AGBL4: variants seen among roughly 807,000 people sequenced by gnomAD.
The protein encoded by AGBL4 is cytosolic carboxypeptidase 6.
AGBL4 carries 58 observed loss-of-function variants against 66.4 expected under a neutral mutation model. The observed-to-expected ratio is 0.87, with a 90% CI of 0.71 to 1.09. The LOEUF (loss-of-function observed/expected upper bound fraction) is 1.09, where lower values mean the gene tolerates loss of function less well. Ranked by LOEUF, AGBL4 falls within the 50% of genes least tolerant of loss-of-function variation. The pLI, the probability that AGBL4 is intolerant of heterozygous loss-of-function variation, is 0.00. For missense variants in AGBL4, 579 were observed against 631.0 expected (o/e 0.92, Z 0.88); for synonymous variants, 234 against 222.9 (o/e 1.05, Z -0.44).
intron 2 of AGBL4, among the ~76,000 whole-genome samples, chr1:49,707,060 C>A (rs1347812296): frequency 6.6e-6 from 1 of 152,064 alleles, no homozygotes; most frequent in Non-Finnish European, 1.5e-5. Flanking sequence ...TCTATTAGGT[C>A]TGCTTGGTCC....
chr1:49,462,696 C>T (rs777635896), intron 3 of AGBL4, among the ~76,000 whole-genome samples: 1 of 151,596 alleles, frequency 6.6e-6, no homozygotes, highest in Non-Finnish European at 1.5e-5. Flanking sequence ...TGGGCTTTGG[C>T]TATATTGTTT....
intron 5 of AGBL4, among the ~76,000 whole-genome samples, chr1:49,038,857 C>T (rs139681618): frequency 1.3e-5 from 2 of 152,048 alleles, no homozygotes; most frequent in African/African-American, 4.8e-5. Context: ...TGGAATTTAC[C>T]CAAAGGAGCT....
chr1:49,167,606 AGAAAGAGCATAGCAGG>A (rs1646658017), intron 4 of AGBL4, among the ~76,000 whole-genome samples: 1 of 152,244 alleles, frequency 6.6e-6, no homozygotes, highest in Non-Finnish European at 1.5e-5. Context: ...GAGTGGCTAT[AGAAAGAGCATAGCAGG>A]CCAAAGGACC....
At chr1:49,335,513 CT>C (rs940464721) in intron 3 of AGBL4, among the ~76,000 whole-genome samples, 60 of 148,746 alleles carry the variant, frequency 4.0e-4, no homozygotes, top group African/African-American at 9.0e-4. Context: ...AAAATCTGAA[CT>C]TTTTTTTTTC....
chr1:49,246,128 T>G (rs1386449225), intron 3 of AGBL4, among the ~76,000 whole-genome samples: 1 of 151,948 alleles, frequency 6.6e-6, no homozygotes, highest in East Asian at 1.9e-4. Context: ...GCCAAGCTAC[T>G]AAAGATCTGT....
chr1:48,770,122 G>C (rs997178863), intron 6 of AGBL4, among the ~76,000 whole-genome samples: 3 of 152,154 alleles, frequency 2.0e-5, no homozygotes, highest in Admixed American at 6.5e-5. Flanking sequence ...ACCAATGCCT[G>C]TGAATTCCAT....
intron 3 of AGBL4, among the ~76,000 whole-genome samples, chr1:49,331,858 C>G (rs759235189): frequency 1.3e-5 from 2 of 151,790 alleles, no homozygotes; most frequent in Non-Finnish European, 2.9e-5. Flanking sequence ...CTCAGGACCT[C>G]CCAGCCAAGG....
chr1:48,907,667 G>T lies in AGBL4; in HGVS notation c.595-40437C>A, dbSNP rs576252182. On this transcript the variant is annotated intron_variant, in intron 5 of 13. Coordinates refer to ENST00000371839, the MANE Select transcript of AGBL4 (RefSeq NM_032785.4). ...TTTGGGGTCCCTGACCCTTATTCAG[G>T]TCAGCTCAAATAACTTTTGCTGGGT... 2.0e-5 allele frequency among the ~76,000 whole-genome samples: 3 copies of T among 152,256 alleles called. No homozygotes were observed. The South Asian group carries it at 6.2e-4, about 32-fold the overall frequency.
At chr1:49,529,602 C>T (rs756709208) in intron 3 of AGBL4, among the ~76,000 whole-genome samples, 6 of 152,046 alleles carry the variant, frequency 3.9e-5, no homozygotes, top group Non-Finnish European at 8.8e-5. Flanking sequence ...TCACTTGAAC[C>T]CAGGAGGCAG....
chr1:48,948,869 T>TAA (rs77534382), intron 5 of AGBL4, among the ~76,000 whole-genome samples: 6 of 141,778 alleles, frequency 4.2e-5, no homozygotes, highest in Admixed American at 1.4e-4. Context: ...CATAAAAGAC[T>TAA]AAAAAAAAAA....
At chr1:49,865,984 C>A in intron 1 of AGBL4, 2 of 354,832 alleles carry the variant, frequency 5.6e-6, no homozygotes, top group South Asian at 2.3e-5. Flanking sequence ...AACAACCTAA[C>A]AGACCAAGCT....
intron 4 of AGBL4, among the ~76,000 whole-genome samples, chr1:49,238,346 A>C (rs1650950365): frequency 6.6e-6 from 1 of 152,134 alleles, no homozygotes; most frequent in Non-Finnish European, 1.5e-5. Context: ...TAGGTCCCTG[A>C]GGCTCTGTTC....
chr1:50,023,788 C>T lies in AGBL4; in HGVS notation c.9G>A (p.Glu3=), dbSNP rs1324946499. ...CTGCCTCAGGCGCCGACTGGCTCCC[C>T]TCCGCCATTTTTGTTGTCCCTCAGT... MA[E]GSQSAPEAGN... The change falls in exon 1 of 14, where the codon GAG becomes GAA. Residue 3 remains glutamate, a synonymous_variant. Coordinates refer to ENST00000371839, the MANE Select transcript of AGBL4 (RefSeq NM_032785.4). The T allele has an allele frequency of 6.5e-7, 1 of 1,549,580 alleles. No homozygotes were observed. The highest frequency in any genetic ancestry group is 8.7e-7 in the Non-Finnish European group (1 of 1,146,118).
intron 11 of AGBL4, among the ~76,000 whole-genome samples, chr1:48,554,178 C>A (rs1644289037): frequency 6.6e-6 from 1 of 152,154 alleles, no homozygotes; most frequent in African/African-American, 2.4e-5. Flanking sequence ...GGTCCTCTAC[C>A]TTTAAAAGAA....
chr1:49,877,284 T>C (rs1373755294), intron 1 of AGBL4, among the ~76,000 whole-genome samples: 1 of 151,164 alleles, frequency 6.6e-6, no homozygotes, highest in African/African-American at 2.4e-5. Context: ...AGTATGATAT[T>C]GGCTGTGGGT....
chr1:49,016,277 CG>C (rs746479931), intron 5 of AGBL4, among the ~76,000 whole-genome samples: 9 of 152,122 alleles, frequency 5.9e-5, no homozygotes, highest in African/African-American at 1.2e-4. Flanking sequence ...GTGCCTAATG[CG>C]GGGAGGCAGT....
chr1:48,777,749 A>G (rs933034664), intron 6 of AGBL4, among the ~76,000 whole-genome samples: 1 of 152,042 alleles, frequency 6.6e-6, no homozygotes, highest in African/African-American at 2.4e-5. Flanking sequence ...TCTCCACAGC[A>G]CGCCCACCAC....
intron 1 of AGBL4, among the ~76,000 whole-genome samples, chr1:49,951,964 GGAAA>G (rs1441272382): frequency 6.6e-6 from 1 of 151,706 alleles, no homozygotes; most frequent in African/African-American, 2.4e-5. Flanking sequence ...AGGGAAGGAG[GGAAA>G]GAAAGAAAAA....
intron 3 of AGBL4, among the ~76,000 whole-genome samples, chr1:49,313,585 T>C (rs757651912): frequency 1.3e-5 from 2 of 152,218 alleles, no homozygotes; most frequent in Non-Finnish European, 2.9e-5. Flanking sequence ...CATGAGATAG[T>C]ACCTCATTGT....
Sources: allele counts gnomAD v4.1 joint callset (sites outside exome capture counted in the v4.1 genomes callset), GRCh38; gene constraint gnomAD v4.1.1; transcripts MANE v1.5; gene names NCBI Gene and HGNC (gene_info 2026-07-23, HGNC 2026-07-21).